GABRD: variants seen among roughly 807,000 people sequenced by gnomAD.
The protein encoded by GABRD is gamma-aminobutyric acid type A receptor subunit delta.
GABRD carries 25 observed loss-of-function variants against 47.3 expected under a neutral mutation model. The ratio of observed to expected loss-of-function variants is 0.53; its 90% confidence interval spans 0.39 to 0.74. The LOEUF (loss-of-function observed/expected upper bound fraction) is 0.74, where lower values mean the gene tolerates loss of function less well. Ranked by LOEUF, GABRD falls within the 30% of genes least tolerant of loss-of-function variation. GABRD has a pLI of 0.00. For missense variants in GABRD, 497 were observed against 643.4 expected, an observed-to-expected ratio of 0.77 and a Z score of 2.46; for synonymous variants, 314 against 278.8, an observed-to-expected ratio of 1.13 and a Z score of -1.26.
In GABRD at chr1:2,030,345, T is replaced by G; in HGVS notation, c.*63T>G. 7.0e-7 allele frequency: 1 copy of G among 1,422,994 alleles called. No individual in the cohort carries two copies. Among genetic ancestry groups the G allele is most frequent in the Non-Finnish European group, 9.3e-7 (1 of 1,070,248 alleles). 88.1% of individuals were successfully genotyped at this position (1,422,994 alleles called of 1,614,324 possible). A position where few individuals can be genotyped will look rare whatever the true frequency, so the allele number is the denominator to read the frequency against. ...CGGCGGCAGCTGCCCAGAAACTTCC[T>G]GGGAGAAAGAGCCCTCGGGCTGCCT... On this transcript the variant is annotated 3_prime_UTR_variant, in exon 9 of 9. Coordinates refer to ENST00000378585, the MANE Select transcript of GABRD (RefSeq NM_000815.5).
chr1:2,029,771 C>G lies in GABRD; in HGVS notation c.1059+9C>G, dbSNP rs757611508. The G allele has an allele frequency of 1.3e-5, 21 of 1,609,400 alleles. No individual in the cohort carries two copies. The highest frequency in any genetic ancestry group is 3.3e-5 in the Admixed American group (2 of 59,996). ...CCAGGCCGAGGGCAGAGGTGAGGGC[C>G]TGGGGCCGAGCCAGGGACAGCACTG... On this transcript the variant is annotated intron_variant, in intron 8 of 8. Transcript: ENST00000378585.
intron 1 of GABRD, among the ~76,000 whole-genome samples, chr1:2,023,263 C>G (rs1007264145): frequency 6.6e-6 from 1 of 151,962 alleles, no homozygotes; most frequent in Non-Finnish European, 1.5e-5. Context: ...CTCAAGAGGG[C>G]TGGAGCCGGA....
chr1:2,029,307 G>T (rs373950403), intron 7 of GABRD, 41 bp downstream of exon 7: 5 of 1,534,556 alleles, frequency 3.3e-6, no homozygotes, highest in Non-Finnish European at 4.4e-6. Context: ...CTGGAAGGGC[G>T]GCCCTGGGGA....
Position 2,025,239 on chromosome 1 carries a change from G to GC in GABRD, c.182-93dup, listed in dbSNP as rs1349690961. On this transcript the variant is annotated intron_variant, in intron 2 of 8. Coordinates refer to ENST00000378585, the MANE Select transcript of GABRD (RefSeq NM_000815.5). ...AGGTGCAGCTTCTCAGGCCATGATG[G>GC]CCGACTGCCTGTGACTGGGACCCCG... is the stretch of plus-strand genomic sequence containing the variant. 4 of 1,472,452 alleles carry GC rather than the reference G, an allele frequency of 2.7e-6. No individual in the cohort carries two copies. In the Admixed American group the frequency reaches 5.1e-5, roughly 19 times the overall value. The allele number at this position is 1,472,452 out of a possible 1,614,324, so 91.2% of individuals were successfully genotyped here.
chr1:2,019,684 G>A (rs993861961), intron 1 of GABRD, among the ~76,000 whole-genome samples, 193 bp downstream of exon 1: 4 of 151,678 alleles, frequency 2.6e-5, no homozygotes, highest in Non-Finnish European at 4.4e-5. Flanking sequence ...CTGCCCTTGG[G>A]CTCGGGACGC....
intron 8 of GABRD, 104 bp downstream of exon 8, chr1:2,029,866 TG>T: frequency 2.0e-6 from 3 of 1,503,904 alleles, no homozygotes; most frequent in Non-Finnish European, 2.8e-6. Flanking sequence ...TCCCTGAGCG[TG>T]GGGGGCTGGA....
rs77557135 is a variant in GABRD, at chr1:2,030,075, G to A, written c.1152G>A (p.Pro384=). 270 of 1,608,378 alleles carry A rather than the reference G, an allele frequency of 1.7e-4. No homozygotes were observed. Among genetic ancestry groups the A allele is most frequent in the African/African-American group, 7.7e-4 (58 of 74,944 alleles). ...TCTCCCGCCGGCAGCGCCGCGTCCC[G>A]GGGAACCTGATGGGCTCCTACAGGT... ...LAISRRQRRV[P]GNLMGSYRSV... is the part of the protein sequence containing the mutation. Residue 384 remains proline (P), a synonymous_variant, in exon 9 of 9, where the codon CCG becomes CCA. Coordinates refer to ENST00000378585, the MANE Select transcript of GABRD (RefSeq NM_000815.5).
chr1:2,030,313 T>C lies in GABRD; in HGVS notation c.*31T>C. The C allele has an allele frequency of 5.4e-6, 8 of 1,473,342 alleles. No homozygotes were observed. The highest frequency in any genetic ancestry group is 7.2e-6 in the Non-Finnish European group (8 of 1,110,566). 91.3% of individuals were successfully genotyped at this position (1,473,342 alleles called of 1,614,324 possible). A position where few individuals can be genotyped will look rare whatever the true frequency, so the allele number is the denominator to read the frequency against. ...GGACTCAGGCCACCCTCGCTTGTCC[T>C]GGCGCCCGGCGGCAGCTGCCCAGAA... On this transcript the variant is annotated 3_prime_UTR_variant, in exon 9 of 9. Coordinates refer to ENST00000378585, the MANE Select transcript of GABRD (RefSeq NM_000815.5).
chr1:2,025,121 C>T (rs1658883286), intron 2 of GABRD, 67 bp downstream of exon 2: 2 of 1,415,636 alleles, frequency 1.4e-6, no homozygotes, highest in Non-Finnish European at 2.0e-6. Flanking sequence ...GGCTGTGTGG[C>T]CCACTGGGCT....
At chr1:2,029,037 C>T (rs1418829782) in intron 6 of GABRD, 74 bp from the exon 7 acceptor site, 6 of 1,518,090 alleles carry the variant, frequency 4.0e-6, no homozygotes, top group East Asian at 4.9e-5. Flanking sequence ...GCTGCCAAGC[C>T]CTGCAGCCCC....
chr1:2,019,606 C>G (rs1387967154), intron 1 of GABRD, 115 bp downstream of exon 1: 20 of 521,486 alleles, frequency 3.8e-5, no homozygotes, highest in Non-Finnish European at 4.6e-5. Flanking sequence ...GACCCCAAGT[C>G]TGAGAGCCCC....
At chr1:2,021,732 G>A (rs897199851) in intron 1 of GABRD, among the ~76,000 whole-genome samples, 22 of 152,208 alleles carry the variant, frequency 1.4e-4, no homozygotes, top group African/African-American at 5.3e-4. Context: ...GTGCCAGCTC[G>A]CGGTGCGCTG....
chr1:2,027,103 T>C, intron 4 of GABRD: 1 of 258,996 alleles, frequency 3.9e-6, no homozygotes, highest in Non-Finnish European at 7.5e-6. Context: ...GTTGAGGCTG[T>C]AGTGAGTCAA....
intron 1 of GABRD, chr1:2,023,550 C>T (rs1407140571): frequency 6.6e-6 from 1 of 152,140 alleles, no homozygotes; most frequent in South Asian, 2.1e-4. Context: ...TGGAGTAGCC[C>T]AGCATAGGGC....
In GABRD at chr1:2,027,828, G is replaced by A. The variant is rs567107435; in HGVS notation, c.553+169G>A. 30 of 684,088 alleles carry A rather than the reference G, an allele frequency of 4.4e-5. No individual in the cohort carries two copies. The South Asian group carries it at 4.7e-4, about 11-fold the overall frequency. 42.4% of individuals were successfully genotyped at this position (684,088 alleles called of 1,614,324 possible). On this transcript the variant is annotated intron_variant, in intron 5 of 8. Coordinates refer to ENST00000378585, the MANE Select transcript of GABRD (RefSeq NM_000815.5). ...GGAGGAGAAGGGGCCAGAAAGCCTG[G>A]AGCAGTCTGGCTTGTGGGTCTGTGC...
intron 4 of GABRD, 189 bp downstream of exon 4, chr1:2,025,927 A>G (rs971314889): frequency 1.8e-5 from 11 of 603,590 alleles, no homozygotes; most frequent in Non-Finnish European, 2.9e-5. Context: ...CATCCGCTCC[A>G]AGGTCGCCGA....
At chr1:2,024,798 C>T (rs907849488) in intron 1 of GABRD, 144 bp from the exon 2 acceptor site, 3 of 621,376 alleles carry the variant, frequency 4.8e-6, no homozygotes, top group Admixed American at 2.9e-5. Flanking sequence ...ACTGGCCAGG[C>T]CCCCACCTGC....
At chr1:2,021,099 G>A (rs1658758915) in intron 1 of GABRD, among the ~76,000 whole-genome samples, 1 of 152,242 alleles carries the variant, frequency 6.6e-6, no homozygotes, top group Admixed American at 6.5e-5. Context: ...CTCTGGGCCT[G>A]CAGTCACTCC....
In GABRD at chr1:2,028,291, C is replaced by T. The variant is rs146193210; in HGVS notation, c.690C>T (p.Ser230=). The part of the protein sequence containing the change: ...RFTTELMNFK[S]AGQFPRLSLH... ...CCACGGAGCTGATGAACTTCAAGTC[C>T]GGTAACATATGCCCGCCGCCCCTTC... The change falls in exon 6 of 9, where the codon TCC becomes TCT. Residue 230 remains serine (S), a splice_region_variant and synonymous_variant. Transcript: ENST00000378585. The surrounding 1 kb of genome is among the most constrained non-coding windows in gnomAD (Gnocchi z 6.4). 1.6e-4 allele frequency: 250 copies of T among 1,610,124 alleles called. 2 individuals are homozygous for T. In the East Asian group the frequency reaches 5.0e-3, roughly 32 times the overall value.
Sources: gnomAD v4.1 joint callset for allele counts (sites outside exome capture counted in the v4.1 genomes callset) on GRCh38, gnomAD v4.1.1 for gene constraint, Gnocchi (gnomAD v3.1) non-coding constraint, MANE v1.5 for transcripts, NCBI Gene and HGNC (gene_info 2026-07-23, HGNC 2026-07-21) for gene names.